Variants in MAP2K5 observed in about 807,000 individuals in gnomAD.
MAP2K5 encodes the protein mitogen-activated protein kinase kinase 5.
In MAP2K5, 49 loss-of-function variants were observed where a neutral mutation model predicts 83.1. The ratio of observed to expected loss-of-function variants is 0.59; its 90% CI spans 0.47 to 0.75. The LOEUF is 0.75. Ranked by LOEUF, MAP2K5 falls within the 30% of genes least tolerant of loss-of-function variation. MAP2K5 has a pLI of 0.00. For synonymous variants in MAP2K5, 202 were observed against 191.8 expected (o/e 1.05, Z -0.44); for missense variants, 457 against 557.5 (o/e 0.82, Z 1.82).
intron 4 of MAP2K5, among the ~76,000 whole-genome samples, chr15:67,585,247 T>C (rs1268870977): frequency 6.6e-6 from 1 of 152,186 alleles, no homozygotes; most frequent in Non-Finnish European, 1.5e-5. Flanking sequence ...ATTTGCTGAA[T>C]TGGAAAAGTA....
chr15:67,692,369 G>T, intron 13 of MAP2K5, 110 bp from the exon 14 acceptor site: 1 of 661,744 alleles, frequency 1.5e-6, no homozygotes, highest in Non-Finnish European at 2.6e-6. Flanking sequence ...TTCGGATTGA[G>T]CAGATGATGT....
chr15:67,583,473 G>T (rs895671192), intron 4 of MAP2K5, among the ~76,000 whole-genome samples: 1 of 151,844 alleles, frequency 6.6e-6, no homozygotes, highest in African/African-American at 2.4e-5. Flanking sequence ...TTATTTCTGT[G>T]TTTTTTTAAT....
intron 6 of MAP2K5, among the ~76,000 whole-genome samples, chr15:67,592,601 A>G (rs1212601091): frequency 1.3e-5 from 2 of 152,230 alleles, no homozygotes; most frequent in Non-Finnish European, 2.9e-5. Flanking sequence ...CATTGTCCAC[A>G]TGAAATTGCC....
Position 67,708,517 on chromosome 15 carries a change from C to G in MAP2K5, c.1044+5109C>G, listed in dbSNP as rs1428152888. On this transcript the variant is annotated intron_variant, in intron 16 of 21. Transcript: ENST00000178640. This position sits in a 1 kb window ranked among gnomAD's most constrained non-coding sequence, Gnocchi z 4.9. Reference sequence around the variant, plus strand: ...GCCTCCCACTTTTTTTTTCTAGAGACGTGGTCTTGATATGTTGCCCAGTGT... The same window carrying G: ...GCCTCCCACTTTTTTTTTCTAGAGAGGTGGTCTTGATATGTTGCCCAGTGT... 1.3e-5 allele frequency among the ~76,000 whole-genome samples: 2 copies of G among 151,824 alleles called. No individual in the cohort carries two copies. Among genetic ancestry groups the G allele is most frequent in the African/African-American group, 4.8e-5 (2 of 41,344 alleles).
chr15:67,587,917 A>G lies in MAP2K5; in HGVS notation c.431+1004A>G, dbSNP rs144630393. The G allele has an allele frequency of 8.4e-5, 13 of 155,226 alleles. No individual in the cohort carries two copies. The highest frequency in any genetic ancestry group is 1.6e-4 in the Non-Finnish European group (11 of 70,882). 9.6% of individuals were successfully genotyped at this position (155,226 alleles called of 1,614,324 possible). A position where few individuals can be genotyped will look rare whatever the true frequency, so the allele number is the denominator to read the frequency against. On this transcript the variant is annotated intron_variant, in intron 6 of 21. Coordinates refer to ENST00000178640, the MANE Select transcript of MAP2K5 (RefSeq NM_145160.3). This position sits in a 1 kb window ranked among gnomAD's most constrained non-coding sequence, Gnocchi z 4.8. ...GTAGCTCTGCGTCTTTCTACTCGCC[A>G]GCATCCCTGCTGCTGTGTGGGTGGT... is the stretch of plus-strand genomic sequence containing the variant.
rs372245393 is a variant in MAP2K5 at position 67,778,116 on chromosome 15, T to TA, written c.1242+5367dup. On this transcript the variant is annotated intron_variant, in intron 21 of 21. Transcript: ENST00000178640. The surrounding 1 kb of genome is among the most constrained non-coding windows in gnomAD (Gnocchi z 5.0). ...AGAGGTGGTAATGTTTGGGGGCTAA[T>TA]AAACACCAAACTGCTCTAGAAAAAT... Among the ~76,000 whole-genome samples the TA allele has an allele frequency of 1.6e-4, 25 of 152,336 alleles. No individual in the cohort carries two copies. The highest frequency in any genetic ancestry group is 6.0e-4 in the African/African-American group (25 of 41,578).
In MAP2K5 at chr15:67,782,603, C is replaced by T. The variant is rs529964738; in HGVS notation, c.1242+9851C>T. Among the ~76,000 whole-genome samples, 3 of 152,292 alleles carry T rather than the reference C, an allele frequency of 2.0e-5. No individual in the cohort carries two copies. The highest frequency in any genetic ancestry group is 3.9e-4 in the East Asian group (2 of 5,180). On this transcript the variant is annotated intron_variant, in intron 21 of 21. Coordinates refer to ENST00000178640, the MANE Select transcript of MAP2K5 (RefSeq NM_145160.3). This position sits in a 1 kb window ranked among gnomAD's most constrained non-coding sequence, Gnocchi z 4.9. ...CAGCTAATTGTCTATGAAGGGCCCC[C>T]GTGTTTAAACGGGCTTGACAGGAAT...
chr15:67,737,310 A>T (rs954837270), intron 17 of MAP2K5, among the ~76,000 whole-genome samples: 1 of 152,172 alleles, frequency 6.6e-6, no homozygotes, highest in Non-Finnish European at 1.5e-5. Context: ...ATTATACTCC[A>T]GTGTTTTACT....
intron 3 of MAP2K5, among the ~76,000 whole-genome samples, chr15:67,571,159 G>A (rs911214488): frequency 3.3e-5 from 5 of 152,188 alleles, no homozygotes; most frequent in African/African-American, 1.2e-4. Flanking sequence ...TGATTTCTCA[G>A]GTTTTTGAAG....
intron 13 of MAP2K5, among the ~76,000 whole-genome samples, chr15:67,670,779 G>A (rs867935876): frequency 6.6e-6 from 1 of 151,956 alleles, no homozygotes; most frequent in African/African-American, 2.4e-5. Flanking sequence ...GCCAGAAAGA[G>A]AGAGACAGGG....
intron 21 of MAP2K5, among the ~76,000 whole-genome samples, chr15:67,803,214 C>A (rs2090737695): frequency 6.6e-6 from 1 of 152,196 alleles, no homozygotes; most frequent in Non-Finnish European, 1.5e-5. Flanking sequence ...TACAATGTGC[C>A]TCATCAGTAA....
intron 19 of MAP2K5, among the ~76,000 whole-genome samples, chr15:67,759,699 C>G (rs1256220246): frequency 1.3e-5 from 2 of 152,190 alleles, no homozygotes; most frequent in Non-Finnish European, 2.9e-5. Flanking sequence ...CACCATCCCA[C>G]TCCTATTCCC....
chr15:67,579,372 C>T (rs1362400405), intron 3 of MAP2K5, among the ~76,000 whole-genome samples: 2 of 152,166 alleles, frequency 1.3e-5, no homozygotes, highest in Non-Finnish European at 2.9e-5. Context: ...ATTTACTTGT[C>T]ATCACTGTTT....
intron 8 of MAP2K5, chr15:67,628,550 A>T: frequency 1.0e-6 from 1 of 997,406 alleles, no homozygotes; most frequent in Non-Finnish European, 1.6e-6. Flanking sequence ...TTTGAATAAT[A>T]TGGAAAAATT....
chr15:67,784,730 G>A (rs1039631161), intron 21 of MAP2K5, among the ~76,000 whole-genome samples: 7 of 152,180 alleles, frequency 4.6e-5, no homozygotes, highest in African/African-American at 1.7e-4. Context: ...CAAAAACTGA[G>A]GGCAGAGTGT....
In MAP2K5 at chr15:67,615,607, C is replaced by T. The variant is rs182699110; in HGVS notation, c.545+14858C>T. 2.4e-4 allele frequency among the ~76,000 whole-genome samples: 36 copies of T among 151,954 alleles called. No individual in the cohort carries two copies. The East Asian group carries it at 2.7e-3, about 11-fold the overall frequency. On this transcript the variant is annotated intron_variant, in intron 8 of 21. Coordinates refer to ENST00000178640, the MANE Select transcript of MAP2K5 (RefSeq NM_145160.3). ...TCGAAGCTTGGCCATTAGTCCTAAACGTGTTAATAAAATCTACCTTCAAAT... is the reference window on the plus strand; with the variant it reads ...TCGAAGCTTGGCCATTAGTCCTAAATGTGTTAATAAAATCTACCTTCAAAT...
chr15:67,614,550 A>G (rs1240012082), intron 8 of MAP2K5, among the ~76,000 whole-genome samples: 1 of 152,168 alleles, frequency 6.6e-6, no homozygotes, highest in Admixed American at 6.5e-5. Context: ...TAGGCTTTAT[A>G]TCTCTTGCTT....
intron 13 of MAP2K5, among the ~76,000 whole-genome samples, chr15:67,675,470 G>A (rs1292238776): frequency 1.3e-5 from 2 of 152,166 alleles, no homozygotes; most frequent in African/African-American, 4.8e-5. Context: ...TGTTTACAAT[G>A]GAGCAAGATG....
At chr15:67,610,451 T>C (rs1185818050) in intron 8 of MAP2K5, among the ~76,000 whole-genome samples, 3 of 152,206 alleles carry the variant, frequency 2.0e-5, no homozygotes, top group Non-Finnish European at 2.9e-5. Flanking sequence ...TTTTACAGTA[T>C]TTGATGTGTT....
Sources: gnomAD v4.1 joint callset for allele counts (sites outside exome capture counted in the v4.1 genomes callset) on GRCh38, gnomAD v4.1.1 for gene constraint, Gnocchi (gnomAD v3.1) non-coding constraint, MANE v1.5 for transcripts, NCBI Gene and HGNC (gene_info 2026-07-23, HGNC 2026-07-21) for gene names.